SMG6: variants seen among roughly 807,000 people sequenced by gnomAD.
SMG6 encodes the protein SMG6 nonsense mediated mRNA decay factor, also known as telomerase-binding protein EST1A.
SMG6 carries 66 observed loss-of-function variants against 142.2 expected under a neutral mutation model. The observed-to-expected ratio is 0.46, with a 90% CI of 0.38 to 0.57. The LOEUF is 0.57. Among genes scored for constraint, SMG6 ranks in the 20% least tolerant of loss-of-function variants. SMG6 has a pLI of 0.00. For synonymous variants in SMG6, 779 were observed against 702.4 expected (o/e 1.11, Z -1.72); for missense variants, 1,793 against 1,832.0 (o/e 0.98, Z 0.39).
chr17:2,238,617 C>A (rs2073727018), intron 9 of SMG6, among the ~76,000 whole-genome samples: 1 of 152,162 alleles, frequency 6.6e-6, no homozygotes, highest in Non-Finnish European at 1.5e-5. Context: ...AGCCATGTGT[C>A]TCCGTGTTGA....
At chr17:2,075,576 C>A (rs1425884016) in intron 15 of SMG6, among the ~76,000 whole-genome samples, 1 of 152,212 alleles carries the variant, frequency 6.6e-6, no homozygotes, top group African/African-American at 2.4e-5. Flanking sequence ...TGCCAAGAGG[C>A]CACGCCTCAT....
chr17:2,252,932 AT>A (rs897417387), intron 8 of SMG6, among the ~76,000 whole-genome samples: 2 of 152,030 alleles, frequency 1.3e-5, no homozygotes, highest in African/African-American at 4.8e-5. Context: ...GAAAAAAAAA[AT>A]AAGAGAATAT....
At chr17:2,191,624 A>G (rs1164571003) in intron 10 of SMG6, among the ~76,000 whole-genome samples, 1 of 152,222 alleles carries the variant, frequency 6.6e-6, no homozygotes, top group Non-Finnish European at 1.5e-5. Context: ...TAAGGAAGTC[A>G]GACGGAAATA....
chr17:2,138,901 T>A (rs1261080225), intron 13 of SMG6, among the ~76,000 whole-genome samples: 1 of 152,204 alleles, frequency 6.6e-6, no homozygotes, highest in African/African-American at 2.4e-5. Context: ...CCATTTGAAG[T>A]GGAGGCTTGG....
intron 8 of SMG6, among the ~76,000 whole-genome samples, chr17:2,281,843 C>A (rs901404636): frequency 1.3e-5 from 2 of 152,164 alleles, no homozygotes; most frequent in African/African-American, 4.8e-5. Context: ...TCTCTCTCCC[C>A]CAGCCAGCCT....
chr17:2,260,675 T>C (rs1030608536), intron 8 of SMG6, among the ~76,000 whole-genome samples: 1 of 152,074 alleles, frequency 6.6e-6, no homozygotes, highest in African/African-American at 2.4e-5. Context: ...TCATTAAACG[T>C]ATAGAAAAAA....
chr17:2,281,379 T>C (rs1377991716), intron 8 of SMG6, among the ~76,000 whole-genome samples: 1 of 152,180 alleles, frequency 6.6e-6, no homozygotes, highest in Non-Finnish European at 1.5e-5. Context: ...ACCTCCTGCC[T>C]TGGCCTCCCA....
intron 4 of SMG6, among the ~76,000 whole-genome samples, chr17:2,293,468 T>A (rs941542979): frequency 3.0e-5 from 3 of 99,946 alleles, no homozygotes; most frequent in Non-Finnish European, 4.9e-5. Flanking sequence ...TATTCTTTTT[T>A]TTCCCCCCTA....
chr17:2,131,756 T>C (rs546330025), intron 13 of SMG6, among the ~76,000 whole-genome samples: 3 of 152,272 alleles, frequency 2.0e-5, no homozygotes, highest in Admixed American at 1.3e-4. Context: ...ATATTCAGAC[T>C]TGCAAATCAA....
At chr17:2,168,981 C>T (rs539461433) in intron 13 of SMG6, among the ~76,000 whole-genome samples, 6 of 151,314 alleles carry the variant, frequency 4.0e-5, no homozygotes, top group Non-Finnish European at 8.8e-5. Flanking sequence ...CTCCTGACCT[C>T]GTGATCCGCC....
chr17:2,303,241 C>A, intron 1 of SMG6: 2 of 1,034,172 alleles, frequency 1.9e-6, no homozygotes, highest in Non-Finnish European at 2.3e-6. Flanking sequence ...AAAGCGGTGG[C>A]CGGGGCAGGC....
At chr17:2,154,175 A>T (rs901217511) in intron 13 of SMG6, among the ~76,000 whole-genome samples, 1 of 142,680 alleles carries the variant, frequency 7.0e-6, no homozygotes, top group African/African-American at 2.7e-5. Flanking sequence ...ATGCACGTAG[A>T]GTGTGACGGT....
At position 2,298,998 on chromosome 17, in the gene SMG6, G is replaced by A. The variant is rs780729759; in HGVS notation, c.1755C>T (p.Leu585=). Residue 585 remains leucine (L), a synonymous_variant, in exon 2 of 19, where the codon CTC becomes CTT. Coordinates refer to ENST00000263073, the MANE Select transcript of SMG6 (RefSeq NM_017575.5). The stretch of plus-strand genomic sequence containing the variant: ...GCAGTTCCTGGTTGTCAGCCACCCG[G>A]AGAAGCCTGTGCAGCTCCTGTTGCT... ...NLQQQELHRL[L]RVADNQELQL... The A allele has an allele frequency of 3.1e-6, 5 of 1,614,168 alleles. No individual in the cohort carries two copies. In the East Asian group the frequency reaches 8.9e-5, roughly 29 times the overall value.
chr17:2,104,006 T>C (rs1308311598), intron 13 of SMG6, among the ~76,000 whole-genome samples: 2 of 151,590 alleles, frequency 1.3e-5, no homozygotes, highest in Non-Finnish European at 2.9e-5. Context: ...GGCAGGAGTG[T>C]AATGGCACGA....
At chr17:2,210,740 C>T (rs2072825717) in intron 10 of SMG6, among the ~76,000 whole-genome samples, 1 of 144,588 alleles carries the variant, frequency 6.9e-6, no homozygotes, top group African/African-American at 2.6e-5. Flanking sequence ...CTGTCTGCAG[C>T]CAACAAAGGC....
At chr17:2,124,002 G>A (rs1302495515) in intron 13 of SMG6, among the ~76,000 whole-genome samples, 3 of 152,206 alleles carry the variant, frequency 2.0e-5, no homozygotes, top group Admixed American at 1.3e-4. Flanking sequence ...AGCACTGAAG[G>A]CCAGACATTA....
At chr17:2,091,971 T>G (rs182026782) in intron 13 of SMG6, among the ~76,000 whole-genome samples, 1 of 151,526 alleles carries the variant, frequency 6.6e-6, no homozygotes, top group African/African-American at 2.4e-5. Flanking sequence ...CGTGAGCCAC[T>G]GCGCCTGGCC....
intron 9 of SMG6, among the ~76,000 whole-genome samples, chr17:2,241,673 G>C (rs925217550): frequency 1.3e-5 from 2 of 152,130 alleles, no homozygotes; most frequent in Non-Finnish European, 2.9e-5. Context: ...TTATAGGCGT[G>C]AGCCACCGCA....
Position 2,211,519 on chromosome 17 carries a change from C to A in SMG6, c.2870-23004G>T, listed in dbSNP as rs2072861379. 2.0e-5 allele frequency among the ~76,000 whole-genome samples: 3 copies of A among 152,034 alleles called. No individual in the cohort carries two copies. The South Asian group carries it at 6.2e-4, about 32-fold the overall frequency. On this transcript the variant is annotated intron_variant, in intron 10 of 18. Coordinates refer to ENST00000263073, the MANE Select transcript of SMG6 (RefSeq NM_017575.5). ...CTCTACTAAAAACACAAAAAATTAG[C>A]CGGGCGTGGTGGTGGGCGCCTGTAG...
Sources: gnomAD v4.1 joint callset for allele counts (sites outside exome capture counted in the v4.1 genomes callset) on GRCh38, gnomAD v4.1.1 for gene constraint, MANE v1.5 for transcripts, NCBI Gene and HGNC (gene_info 2026-07-23, HGNC 2026-07-21) for gene names.